Variants in ERICH3 observed in about 807,000 individuals in gnomAD.
The protein encoded by ERICH3 is glutamate-rich protein 3.
ERICH3 carries 126 observed loss-of-function variants against 131.1 expected under a neutral mutation model. That is an observed-to-expected ratio of 0.96 (90% CI 0.83 to 1.11). ERICH3 has a LOEUF of 1.11. ERICH3 is among the 50% of genes most tolerant of loss of function. The pLI is 0.00. For missense variants in ERICH3, 2,050 were observed against 1,810.7 expected (o/e 1.13, Z -2.40); for synonymous variants, 695 against 644.6 (o/e 1.08, Z -1.18).
chr1:74,569,557 A>C lies in ERICH3; in HGVS notation c.*901T>G, dbSNP rs1646912137. 1.3e-5 allele frequency: 2 copies of C among 152,196 alleles called. No homozygotes were observed. Among genetic ancestry groups the C allele is most frequent in the South Asian group, 4.1e-4 (2 of 4,832 alleles). The allele number at this position is 152,196 out of a possible 1,614,324, so 9.4% of individuals were successfully genotyped here. A position where few individuals can be genotyped will look rare whatever the true frequency, so the allele number is the denominator to read the frequency against. On this transcript the variant is annotated 3_prime_UTR_variant, in exon 15 of 15. Coordinates refer to ENST00000326665, the MANE Select transcript of ERICH3 (RefSeq NM_001002912.5). ...ACTTGGGAAGGTGAGCAGCACACTC[A>C]TTTAATCCAAGTTTCTTTTCCATTT... is the stretch of plus-strand genomic sequence containing the variant.
intron 13 of ERICH3, among the ~76,000 whole-genome samples, chr1:74,574,202 C>T (rs984277797): frequency 1.3e-4 from 20 of 151,920 alleles, no homozygotes; most frequent in African/African-American, 4.8e-4. Context: ...AGGGTCTTTC[C>T]ATGTTGCCCT....
chr1:74,606,551 C>T lies in ERICH3; in HGVS notation c.1489+50G>A, dbSNP rs1295284368. The T allele has an allele frequency of 7.9e-6, 12 of 1,520,668 alleles. No homozygotes were observed. In the East Asian group the frequency reaches 2.7e-4, roughly 34 times the overall value. 94.2% of individuals were successfully genotyped at this position (1,520,668 alleles called of 1,614,324 possible). A position where few individuals can be genotyped will look rare whatever the true frequency, so the allele number is the denominator to read the frequency against. ...AATTTTGATCATCACATTTCAAAGA[C>T]AAACGAAACAGCCACAGCTACAACA... On this transcript the variant is annotated intron_variant, in intron 10 of 14. Coordinates refer to ENST00000326665, the MANE Select transcript of ERICH3 (RefSeq NM_001002912.5).
At chr1:74,669,380 AC>A (rs1045365716) in intron 1 of ERICH3, among the ~76,000 whole-genome samples, 13 of 152,250 alleles carry the variant, frequency 8.5e-5, no homozygotes, top group Admixed American at 6.5e-4. Context: ...GATGAGTGCA[AC>A]TATCTCTATT....
chr1:74,636,132 T>A (rs1646386946), intron 6 of ERICH3, 148 bp downstream of exon 6: 1 of 612,664 alleles, frequency 1.6e-6, no homozygotes, highest in African/African-American at 1.9e-5. Flanking sequence ...ACATAATTAA[T>A]CACAAGTATG....
At chr1:74,586,178 A>T (rs1168665648) in intron 12 of ERICH3, among the ~76,000 whole-genome samples, 1 of 152,118 alleles carries the variant, frequency 6.6e-6, no homozygotes, top group Non-Finnish European at 1.5e-5. Flanking sequence ...ATACTGTGGC[A>T]ATATAAGAAT....
rs1026376424 is a variant in ERICH3, at chr1:74,638,946, G to A, written c.444+2385C>T. ...TGAGACTCATGGATATGCTGAGATG[G>A]GGAGGAGACCCTTTTGTTTATGCCA... is the stretch of plus-strand genomic sequence containing the variant. On this transcript the variant is annotated intron_variant, in intron 5 of 14. Transcript: ENST00000326665. 4.6e-5 allele frequency among the ~76,000 whole-genome samples: 7 copies of A among 152,262 alleles called. No individual in the cohort carries two copies. In the East Asian group the frequency reaches 1.2e-3, roughly 25 times the overall value.
chr1:74,596,425 A>T (rs1647854138), intron 11 of ERICH3, among the ~76,000 whole-genome samples: 1 of 152,048 alleles, frequency 6.6e-6, no homozygotes, highest in East Asian at 1.9e-4. Flanking sequence ...TAATGATCAA[A>T]TTGGGGTAAT....
intron 1 of ERICH3, 64 bp from the exon 2 acceptor site, chr1:74,649,379 T>C (rs1197501942): frequency 7.8e-7 from 1 of 1,280,120 alleles, no homozygotes; most frequent in African/African-American, 1.5e-5. Context: ...AAGGCAATTC[T>C]TTACTGTTTC....
At chr1:74,581,124 C>T (rs1230623519) in intron 12 of ERICH3, among the ~76,000 whole-genome samples, 6 of 151,930 alleles carry the variant, frequency 3.9e-5, no homozygotes, top group Admixed American at 3.9e-4. Flanking sequence ...TTTTCAAATC[C>T]CAAACTATTA....
chr1:74,648,530 A>G (rs1276701141), intron 2 of ERICH3, among the ~76,000 whole-genome samples: 1 of 152,186 alleles, frequency 6.6e-6, no homozygotes, highest in East Asian at 1.9e-4. Flanking sequence ...AGTGCCAAGC[A>G]CAGAAACAAC....
In ERICH3 at chr1:74,606,922, G is replaced by A; in HGVS notation, c.1188-20C>T. On this transcript the variant is annotated intron_variant, in intron 9 of 14. Transcript: ENST00000326665. ...ATGCACCTATGAAAAATATTAGCAGGAAGTGTTTGTTAACCCTTGTAGACA... is the reference window on the plus strand; with the variant it reads ...ATGCACCTATGAAAAATATTAGCAGAAAGTGTTTGTTAACCCTTGTAGACA... 1 of 1,600,188 alleles carries A rather than the reference G, an allele frequency of 6.2e-7. No homozygotes were observed. Among genetic ancestry groups the A allele is most frequent in the Non-Finnish European group, 8.5e-7 (1 of 1,173,302 alleles).
intron 1 of ERICH3, among the ~76,000 whole-genome samples, chr1:74,653,037 C>T (rs564066383): frequency 1.8e-4 from 27 of 152,046 alleles, no homozygotes; most frequent in Admixed American, 7.2e-4. Flanking sequence ...GCTGAGTCAC[C>T]GGGGTGCTAC....
intron 12 of ERICH3, 127 bp from the exon 13 acceptor site, chr1:74,577,063 A>G: frequency 1.4e-6 from 1 of 725,178 alleles, no homozygotes; most frequent in Non-Finnish European, 2.2e-6. Flanking sequence ...TCTGGGAGGC[A>G]GGCTATTGAA....
In ERICH3 at chr1:74,650,487, T is replaced by A. The variant is rs1372747625; in HGVS notation, c.24-1172A>T. On this transcript the variant is annotated intron_variant, in intron 1 of 14. Transcript: ENST00000326665. ...ACATAGATGTTAGTATATACAGTAG[T>A]CCTCCCTTATCCACATTCCAAGACC... 4.6e-5 allele frequency among the ~76,000 whole-genome samples: 7 copies of A among 152,272 alleles called. No homozygotes were observed. The East Asian group carries it at 1.4e-3, about 29-fold the overall frequency.
At chr1:74,617,940 A>G (rs1230894177) in intron 8 of ERICH3, among the ~76,000 whole-genome samples, 1 of 152,210 alleles carries the variant, frequency 6.6e-6, no homozygotes, top group Non-Finnish European at 1.5e-5. Context: ...AAAGCCTGTA[A>G]TCCCAATGCT....
chr1:74,585,776 A>AT (rs1647300153), intron 12 of ERICH3, among the ~76,000 whole-genome samples: 2 of 152,040 alleles, frequency 1.3e-5, no homozygotes, highest in South Asian at 4.1e-4. Context: ...ATATTTTGTG[A>AT]TTTTATGTGG....
At chr1:74,648,600 T>C (rs533143662) in intron 2 of ERICH3, among the ~76,000 whole-genome samples, 2 of 152,268 alleles carry the variant, frequency 1.3e-5, no homozygotes, top group African/African-American at 4.8e-5. Context: ...AGGAAACCCA[T>C]TGTGTTTTAA....
At position 74,572,641 on chromosome 1, in the gene ERICH3, G is replaced by C; in HGVS notation, c.3069C>G (p.Phe1023Leu). The C allele has an allele frequency of 6.2e-7, 1 of 1,613,720 alleles. No homozygotes were observed. Among genetic ancestry groups the C allele is most frequent in the Non-Finnish European group, 8.5e-7 (1 of 1,179,944 alleles). Reference sequence around the variant, plus strand: ...CCCCTTCCACATCTTCCTTGCAAAGGAAGGCTTCCTTTGCAAGGCTTCCTT... The same window carrying C: ...CCCCTTCCACATCTTCCTTGCAAAGCAAGGCTTCCTTTGCAAGGCTTCCTT... ...PEEGSLAKEA[F>L]LCKEDVEGEE... is the part of the protein sequence containing the mutation. The change falls in exon 14 of 15, where the codon TTC (phenylalanine) becomes TTG (leucine). Residue 1023 changes from phenylalanine (F) to leucine (L), a missense_variant. Phe to Leu is a conservative substitution (Grantham distance 22). Coordinates refer to ENST00000326665, the MANE Select transcript of ERICH3 (RefSeq NM_001002912.5).
chr1:74,605,304 T>C (rs1387027258), intron 10 of ERICH3, among the ~76,000 whole-genome samples: 2 of 151,944 alleles, frequency 1.3e-5, no homozygotes, highest in Non-Finnish European at 2.9e-5. Context: ...AGATCTTCTA[T>C]TGAGACCGCT....
Sources: allele counts gnomAD v4.1 joint callset (sites outside exome capture counted in the v4.1 genomes callset), GRCh38; gene constraint gnomAD v4.1.1; transcripts MANE v1.5; gene names NCBI Gene and HGNC (gene_info 2026-07-23, HGNC 2026-07-21).